The following SYNPO2 variants were observed in gnomAD, a reference collection of about 807,000 sequenced individuals.
SYNPO2 encodes the protein synaptopodin-2.
SYNPO2 carries 56 observed loss-of-function variants against 85.0 expected under a neutral mutation model. The observed-to-expected ratio is 0.66, with a 90% confidence interval of 0.53 to 0.82. The LOEUF (loss-of-function observed/expected upper bound fraction) is 0.82. SYNPO2 is among the 40% of genes least tolerant of loss of function. The probability of loss-of-function intolerance (pLI) is 0.00; values close to 1 mark genes in which losing one functional copy is unlikely to be tolerated. For synonymous variants in SYNPO2, 602 were observed against 591.1 expected, an observed-to-expected ratio of 1.02 and a Z score of -0.27; for missense variants, 1,575 against 1,534.2, an observed-to-expected ratio of 1.03 and a Z score of -0.44.
chr4:119,003,874 TC>T (rs2149174421), intron 1 of SYNPO2, among the ~76,000 whole-genome samples: 1 of 152,270 alleles, frequency 6.6e-6, no homozygotes, highest in South Asian at 2.1e-4. Flanking sequence ...CTGCCAGAGT[TC>T]CGGGAGCCCA....
intron 1 of SYNPO2, among the ~76,000 whole-genome samples, chr4:118,893,562 T>A (rs1306705503): frequency 2.6e-5 from 4 of 152,168 alleles, no homozygotes; most frequent in African/African-American, 9.7e-5. Flanking sequence ...TCCTTATTGG[T>A]GGAAACAGGT....
intron 1 of SYNPO2, among the ~76,000 whole-genome samples, chr4:118,936,771 C>T (rs1210654337): frequency 6.6e-6 from 1 of 152,150 alleles, no homozygotes; most frequent in African/African-American, 2.4e-5. Context: ...TGGTGTCCTC[C>T]TCTCTTTCAT....
chr4:119,038,155 A>G, intron 4 of SYNPO2: 1 of 985,392 alleles, frequency 1.0e-6, no homozygotes, highest in Non-Finnish European at 1.2e-6. Flanking sequence ...CAGTCTCATC[A>G]GACCCCGGAA....
chr4:119,002,409 T>C (rs997877608), intron 1 of SYNPO2, among the ~76,000 whole-genome samples: 1 of 152,060 alleles, frequency 6.6e-6, no homozygotes, highest in African/African-American at 2.4e-5. Flanking sequence ...TACAGGTGCT[T>C]ACCACCACGC....
intron 1 of SYNPO2, among the ~76,000 whole-genome samples, chr4:119,011,183 C>T (rs983824301): frequency 6.6e-6 from 1 of 152,256 alleles, no homozygotes; most frequent in African/African-American, 2.4e-5. Context: ...CCCAGTTCAG[C>T]TCACGTGGAC....
chr4:119,016,960 C>G (rs1737548548), intron 1 of SYNPO2, among the ~76,000 whole-genome samples: 1 of 152,118 alleles, frequency 6.6e-6, no homozygotes, highest in Non-Finnish European at 1.5e-5. Context: ...ACCATGAATA[C>G]TTTTTACTTT....
chr4:119,014,610 C>T (rs184062574), intron 1 of SYNPO2, among the ~76,000 whole-genome samples: 21 of 152,104 alleles, frequency 1.4e-4, no homozygotes, highest in Admixed American at 2.6e-4. Flanking sequence ...TATCAATAGA[C>T]CAAACTCAAA....
chr4:118,887,827 C>A (rs537002336), upstream of SYNPO2, among the ~76,000 whole-genome samples: 1 of 152,260 alleles, frequency 6.6e-6, no homozygotes, highest in African/African-American at 2.4e-5. Flanking sequence ...AGTGCTGAAA[C>A]AGGCAGCGTG....
At chr4:119,032,532 A>G in intron 4 of SYNPO2, 1 of 1,007,292 alleles carries the variant, frequency 9.9e-7, no homozygotes, top group Non-Finnish European at 1.2e-6. Flanking sequence ...TATGAAGGAC[A>G]GGGAGCAGCT....
chr4:118,991,679 T>A (rs1423062371), intron 1 of SYNPO2, among the ~76,000 whole-genome samples: 1 of 152,122 alleles, frequency 6.6e-6, no homozygotes, highest in Non-Finnish European at 1.5e-5. Flanking sequence ...TTTGCAGAGA[T>A]GCCTGAATGG....
chr4:119,041,276 A>T (rs1318589596), intron 4 of SYNPO2, among the ~76,000 whole-genome samples: 2 of 152,236 alleles, frequency 1.3e-5, no homozygotes, highest in African/African-American at 4.8e-5. Context: ...ATTACATTTA[A>T]AAATAAAGCA....
chr4:118,881,243 A>G (rs986076566), intron 1 of SYNPO2, among the ~76,000 whole-genome samples: 1 of 151,040 alleles, frequency 6.6e-6, no homozygotes, highest in African/African-American at 2.4e-5. Context: ...TGGAGGTTGC[A>G]GGGAGCCGAG....
intron 4 of SYNPO2, among the ~76,000 whole-genome samples, chr4:119,040,664 T>C (rs1738680345): frequency 1.3e-5 from 2 of 152,244 alleles, no homozygotes; most frequent in Non-Finnish European, 2.9e-5. Context: ...GGGGAAATGT[T>C]TGTAAACCAA....
intron 1 of SYNPO2, among the ~76,000 whole-genome samples, chr4:118,920,476 A>G (rs1733496875): frequency 6.6e-6 from 1 of 152,148 alleles, no homozygotes; most frequent in African/African-American, 2.4e-5. Context: ...GTATTAGAGT[A>G]AATACAAGAA....
intron 1 of SYNPO2, among the ~76,000 whole-genome samples, chr4:118,874,075 G>A (rs756407489): frequency 9.9e-5 from 15 of 152,138 alleles, no homozygotes; most frequent in Non-Finnish European, 1.9e-4. Flanking sequence ...ATTGATCTAT[G>A]TGTCTGCTTT....
At chr4:119,035,641 T>G (rs1007603505) in intron 4 of SYNPO2, 12 of 985,268 alleles carry the variant, frequency 1.2e-5, no homozygotes, top group Non-Finnish European at 1.4e-5. Flanking sequence ...CAAGAAGCAC[T>G]TATTTTAGCC....
chr4:118,933,719 AC>A (rs1434339802), intron 1 of SYNPO2, among the ~76,000 whole-genome samples: 1 of 151,930 alleles, frequency 6.6e-6, no homozygotes, highest in African/African-American at 2.4e-5. Context: ...AGTTACCAAA[AC>A]CTTAATCAAA....
rs567209793 is a variant in SYNPO2 at position 119,060,452 on chromosome 4, G to T, written c.*2518G>T. 16 of 141,954 alleles carry T rather than the reference G, an allele frequency of 1.1e-4. 1 individual carries two copies. The South Asian group carries it at 3.6e-3, about 32-fold the overall frequency. 8.8% of individuals were successfully genotyped at this position (141,954 alleles called of 1,614,324 possible). On this transcript the variant is annotated 3_prime_UTR_variant, in exon 5 of 5. Coordinates refer to ENST00000307142, the MANE Select transcript of SYNPO2 (RefSeq NM_133477.3). ...TAAATCATCCTAAAGTGTACTGTGG[G>T]TATTCTCCAGCATACTTGAAAATGA...
chr4:118,889,812 G>A (rs1288898673), intron 1 of SYNPO2, among the ~76,000 whole-genome samples: 1 of 152,178 alleles, frequency 6.6e-6, no homozygotes, highest in African/African-American at 2.4e-5. Context: ...AGGTAACTTT[G>A]TAACACATTA....
Sources: allele counts gnomAD v4.1 joint callset (sites outside exome capture counted in the v4.1 genomes callset), GRCh38; gene constraint gnomAD v4.1.1; transcripts MANE v1.5; gene names NCBI Gene and HGNC (gene_info 2026-07-23, HGNC 2026-07-21).